The following DSCAM variants were observed in gnomAD, a reference collection of about 807,000 sequenced individuals.
DSCAM encodes DS cell adhesion molecule.
Under a neutral mutation model 217.7 loss-of-function variants are expected in DSCAM, and 47 were observed. That is an observed-to-expected ratio of 0.22 (90% CI 0.17 to 0.28). The LOEUF (loss-of-function observed/expected upper bound fraction) is 0.28. DSCAM is among the 10% of genes least tolerant of loss of function. DSCAM has a pLI of 1.00. For synonymous variants in DSCAM, 1,056 were observed against 1,015.3 expected (o/e 1.04, Z -0.76); for missense variants, 2,080 against 2,618.3 (o/e 0.79, Z 4.49).
At chr21:40,822,752 T>C (rs552900524) in intron 1 of DSCAM, among the ~76,000 whole-genome samples, 3 of 152,364 alleles carry the variant, frequency 2.0e-5, no homozygotes, top group African/African-American at 7.2e-5. Flanking sequence ...ATATACAATA[T>C]GTAAACCCTA....
chr21:40,508,785 T>A (rs865890001), intron 3 of DSCAM, among the ~76,000 whole-genome samples: 209 of 40,912 alleles, frequency 5.1e-3, no homozygotes, highest in East Asian at 0.018. Context: ...ATATATATAT[T>A]TTTTTTTTTT....
intron 3 of DSCAM, among the ~76,000 whole-genome samples, chr21:40,472,330 A>G (rs184174143): frequency 6.6e-6 from 1 of 152,366 alleles, no homozygotes; most frequent in East Asian, 1.9e-4. Context: ...ATGGGTGTAC[A>G]TTACCTTCAT....
At chr21:40,447,585 C>T (rs1335841831) in intron 3 of DSCAM, among the ~76,000 whole-genome samples, 3 of 152,230 alleles carry the variant, frequency 2.0e-5, no homozygotes, top group South Asian at 2.1e-4. Context: ...ATTTACACAG[C>T]GAAATGCTAT....
At chr21:40,174,801 G>A (rs1237584247) in intron 15 of DSCAM, among the ~76,000 whole-genome samples, 5 of 152,230 alleles carry the variant, frequency 3.3e-5, no homozygotes, top group East Asian at 1.9e-4. Flanking sequence ...TAAAAGTTTC[G>A]CACAACACTG....
At chr21:40,709,081 G>A (rs1197387164) in intron 1 of DSCAM, among the ~76,000 whole-genome samples, 1 of 152,128 alleles carries the variant, frequency 6.6e-6, no homozygotes, top group East Asian at 1.9e-4. Flanking sequence ...CCATTGGACT[G>A]TATATATTTT....
At chr21:40,533,445 T>C (rs2076465263) in intron 3 of DSCAM, among the ~76,000 whole-genome samples, 3 of 152,138 alleles carry the variant, frequency 2.0e-5, no homozygotes, top group Non-Finnish European at 4.4e-5. Context: ...CAAACATCTA[T>C]CCATCCATCC....
At chr21:40,186,932 C>T (rs2090900874) in intron 14 of DSCAM, among the ~76,000 whole-genome samples, 199 bp downstream of exon 14, 1 of 152,182 alleles carries the variant, frequency 6.6e-6, no homozygotes, top group Non-Finnish European at 1.5e-5. Flanking sequence ...AAGAAAGAAG[C>T]AGAGCTGAGC....
chr21:40,521,258 T>C (rs2076356285), intron 3 of DSCAM, among the ~76,000 whole-genome samples: 1 of 152,182 alleles, frequency 6.6e-6, no homozygotes, highest in Non-Finnish European at 1.5e-5. Flanking sequence ...GGACATTTCC[T>C]TTGGATGTAC....
intron 9 of DSCAM, among the ~76,000 whole-genome samples, chr21:40,299,856 G>C (rs535044291): frequency 2.0e-5 from 3 of 151,806 alleles, no homozygotes; most frequent in Non-Finnish European, 4.4e-5. Flanking sequence ...ATTAATATTC[G>C]ACCTAGATAC....
chr21:40,668,225 G>T (rs2090226970), intron 3 of DSCAM, among the ~76,000 whole-genome samples: 1 of 144,592 alleles, frequency 6.9e-6, no homozygotes, highest in South Asian at 2.2e-4. Flanking sequence ...ACTGGGTGCT[G>T]TCTTATGACA....
intron 1 of DSCAM, among the ~76,000 whole-genome samples, chr21:40,806,392 C>T (rs1314189741): frequency 6.6e-6 from 1 of 152,164 alleles, no homozygotes. Context: ...AAGCTCATTT[C>T]TGTGAGTTTA....
intron 3 of DSCAM, among the ~76,000 whole-genome samples, chr21:40,600,643 G>T (rs1010247497): frequency 2.0e-5 from 3 of 152,104 alleles, no homozygotes; most frequent in African/African-American, 2.4e-5. Flanking sequence ...TTTAGTAGTT[G>T]TATTGTTTTG....
chr21:40,066,249 A>T (rs948705576), intron 27 of DSCAM, among the ~76,000 whole-genome samples: 1 of 152,230 alleles, frequency 6.6e-6, no homozygotes, highest in East Asian at 1.9e-4. Context: ...AAGCTGCACA[A>T]AGATTTCCTG....
At chr21:40,044,003 C>T in intron 31 of DSCAM, 75 bp downstream of exon 31, 2 of 1,511,040 alleles carry the variant, frequency 1.3e-6, no homozygotes, top group Admixed American at 1.7e-5. Context: ...CTCCCCTCCC[C>T]AAGGAGCCCA....
chr21:40,409,469 C>T (rs536276425), intron 3 of DSCAM, among the ~76,000 whole-genome samples: 18 of 152,262 alleles, frequency 1.2e-4, no homozygotes, highest in African/African-American at 3.6e-4. Flanking sequence ...ACAGTTTCAA[C>T]GCTGAAGAGG....
chr21:40,194,556 T>G (rs929430154), intron 11 of DSCAM, among the ~76,000 whole-genome samples: 2 of 152,234 alleles, frequency 1.3e-5, no homozygotes, highest in Non-Finnish European at 2.9e-5. Context: ...CCAAAGGTTG[T>G]GTGCTGCGTG....
chr21:40,511,990 CAAAAAAA>C (rs780829574), intron 3 of DSCAM, among the ~76,000 whole-genome samples: 2 of 26,792 alleles, frequency 7.5e-5, no homozygotes, highest in African/African-American at 3.7e-4. Flanking sequence ...GACTCTGTCT[CAAAAAAA>C]AAAAAAAAAA....
At chr21:40,706,872 A>G (rs2090723671) in intron 2 of DSCAM, among the ~76,000 whole-genome samples, 1 of 152,206 alleles carries the variant, frequency 6.6e-6, no homozygotes. Context: ...TATATGTTCA[A>G]ACTGATACAG....
intron 1 of DSCAM, among the ~76,000 whole-genome samples, chr21:40,753,955 C>G (rs970332180): frequency 6.6e-6 from 1 of 152,200 alleles, no homozygotes; most frequent in Non-Finnish European, 1.5e-5. Context: ...GTCCACACTT[C>G]CAGTTTTCAT....
Sources: gnomAD v4.1 joint callset for allele counts (sites outside exome capture counted in the v4.1 genomes callset) on GRCh38, gnomAD v4.1.1 for gene constraint, MANE v1.5 for transcripts, NCBI Gene and HGNC (gene_info 2026-07-23, HGNC 2026-07-21) for gene names.